Variants in NCOR2 observed in about 807,000 individuals in gnomAD.
The protein encoded by NCOR2 is nuclear receptor corepressor 2.
A neutral mutation model predicts 262.9 loss-of-function variants in NCOR2; 81 were observed. The observed-to-expected ratio is 0.31, with a 90% CI of 0.26 to 0.37. The LOEUF is 0.37. NCOR2 is among the 10% of genes least tolerant of loss of function. NCOR2 has a pLI of 1.00. For missense variants in NCOR2, 3,385 were observed against 3,621.4 expected (o/e 0.93, Z 1.68); for synonymous variants, 1,659 against 1,559.3 (o/e 1.06, Z -1.51).
intron 1 of NCOR2, among the ~76,000 whole-genome samples, chr12:124,545,087 T>C (rs1226119877): frequency 2.0e-5 from 3 of 151,982 alleles, no homozygotes; most frequent in South Asian, 2.1e-4. Flanking sequence ...AGTGCTCAGT[T>C]GAAGCTCACC....
Position 124,384,973 on chromosome 12 carries a change from C to G in NCOR2, c.2019+772G>C, listed in dbSNP as rs1314796839. The stretch of plus-strand genomic sequence containing the variant: ...TCAGTCGCACATGAGCCTGGCTAAG[C>G]CTCAGTTTCCCCAGCTCCAAAAAGG... On this transcript the variant is annotated intron_variant, in intron 17 of 46. Transcript: ENST00000405201. Among the ~76,000 whole-genome samples the G allele has an allele frequency of 2.0e-5, 3 of 152,176 alleles. No individual in the cohort carries two copies. In the East Asian group the frequency reaches 5.8e-4, roughly 29 times the overall value.
At chr12:124,470,040 C>A (rs113549972) in intron 4 of NCOR2, among the ~76,000 whole-genome samples, 3 of 151,956 alleles carry the variant, frequency 2.0e-5, no homozygotes, top group African/African-American at 7.3e-5. Flanking sequence ...GTGATGCACA[C>A]CTGTACTCCC....
At chr12:124,562,238 T>C (rs368678146) in intron 1 of NCOR2, 2 of 152,180 alleles carry the variant, frequency 1.3e-5, no homozygotes, top group Non-Finnish European at 2.9e-5. Flanking sequence ...ACTTTTCAAG[T>C]GCTCCCGAGT....
At position 124,365,991 on chromosome 12, in the gene NCOR2, G is replaced by A. The variant is rs186611468; in HGVS notation, c.2808-2192C>T. Among the ~76,000 whole-genome samples, 35 of 152,180 alleles carry A rather than the reference G, an allele frequency of 2.3e-4. 1 individual carries two copies. Among genetic ancestry groups the A allele is most frequent in the Admixed American group, 1.6e-3 (25 of 15,288 alleles). On this transcript the variant is annotated intron_variant, in intron 20 of 46. Transcript: ENST00000405201. ...TACCACCATCCGTTTCAACCAGCTC[G>A]CACTTGCAAGCTGAAATTTAAAAGA... is the stretch of plus-strand genomic sequence containing the variant.
At chr12:124,446,568 G>A (rs1192305889) in intron 7 of NCOR2, among the ~76,000 whole-genome samples, 1 of 152,032 alleles carries the variant, frequency 6.6e-6, no homozygotes, top group Non-Finnish European at 1.5e-5. Context: ...CTCCCCAGAG[G>A]TCCACACAGC....
chr12:124,475,809 G>A (rs1220335760), intron 3 of NCOR2, among the ~76,000 whole-genome samples: 1 of 152,322 alleles, frequency 6.6e-6, no homozygotes, highest in South Asian at 2.1e-4. Flanking sequence ...GGAGGCTGCA[G>A]GGGCTCCCAC....
chr12:124,496,093 C>T (rs947676072), upstream of NCOR2, among the ~76,000 whole-genome samples: 3 of 152,082 alleles, frequency 2.0e-5, no homozygotes, highest in African/African-American at 7.2e-5. This position sits in a 1 kb window ranked among gnomAD's most constrained non-coding sequence, Gnocchi z 4.4. Context: ...TACTCGTGGC[C>T]ACGCCAGAGG....
intron 7 of NCOR2, among the ~76,000 whole-genome samples, chr12:124,439,350 G>C (rs1313106292): frequency 7.5e-6 from 1 of 134,050 alleles, no homozygotes. Context: ...CCCAGAGAGA[G>C]AGGGAGACAG....
Position 124,485,586 on chromosome 12 carries a change from C to T in NCOR2, c.233+855G>A, listed in dbSNP as rs566337125. On this transcript the variant is annotated intron_variant, in intron 2 of 46. Coordinates refer to ENST00000405201, the Ensembl canonical transcript of NCOR2. Reference sequence around the variant, plus strand: ...ACGTTGCGACGGCAGGCCCAGGAAACCAATCCAGGTACAGAAGGCACGCTG... The same window carrying T: ...ACGTTGCGACGGCAGGCCCAGGAAATCAATCCAGGTACAGAAGGCACGCTG... Among the ~76,000 whole-genome samples the T allele has an allele frequency of 5.9e-5, 9 of 152,358 alleles. No homozygotes were observed. In the South Asian group the frequency reaches 1.9e-3, roughly 32 times the overall value.
chr12:124,562,967 C>G (rs1390136020), intron 1 of NCOR2, among the ~76,000 whole-genome samples: 1 of 152,176 alleles, frequency 6.6e-6, no homozygotes, highest in Non-Finnish European at 1.5e-5. Flanking sequence ...AGCAGCACCC[C>G]CATTTTAGAG....
At chr12:124,511,477 C>G (rs1422313426) in intron 1 of NCOR2, among the ~76,000 whole-genome samples, 1 of 152,250 alleles carries the variant, frequency 6.6e-6, no homozygotes, top group Non-Finnish European at 1.5e-5. Context: ...ATGAGTGCAA[C>G]CCGGGTTCTG....
chr12:124,473,223 G>C, intron 3 of NCOR2, 92 bp from the exon 6 acceptor site: 1 of 1,431,754 alleles, frequency 7.0e-7, no homozygotes, highest in South Asian at 1.2e-5. Flanking sequence ...CAACCTGATT[G>C]GATTGAAGGA....
intron 16 of NCOR2, among the ~76,000 whole-genome samples, chr12:124,397,632 T>C (rs1408143008): frequency 4.6e-5 from 7 of 151,284 alleles, no homozygotes; most frequent in Non-Finnish European, 8.8e-5. Flanking sequence ...CTGAGACAGG[T>C]TTCCAAAGCC....
At chr12:124,524,180 C>A (rs1034033248) in intron 1 of NCOR2, among the ~76,000 whole-genome samples, 2 of 152,176 alleles carry the variant, frequency 1.3e-5, no homozygotes, top group African/African-American at 4.8e-5. Context: ...CTTGTTCTGG[C>A]CCATTCAATG....
chr12:124,365,282 T>C (rs2038939387), intron 20 of NCOR2, among the ~76,000 whole-genome samples: 1 of 152,206 alleles, frequency 6.6e-6, no homozygotes, highest in Non-Finnish European at 1.5e-5. Flanking sequence ...CTCTGTGCTG[T>C]GACCACAGTG....
At chr12:124,416,931 G>C (rs994913935) in intron 13 of NCOR2, among the ~76,000 whole-genome samples, 1 of 152,224 alleles carries the variant, frequency 6.6e-6, no homozygotes, top group Non-Finnish European at 1.5e-5. Flanking sequence ...CAATGGCTCT[G>C]AACAACCAGC....
At chr12:124,359,082 G>A (rs962925426) in intron 22 of NCOR2, among the ~76,000 whole-genome samples, 28 of 152,346 alleles carry the variant, frequency 1.8e-4, no homozygotes, top group African/African-American at 5.3e-4. Flanking sequence ...GGGAGATCCT[G>A]TAAACTCAGC....
At chr12:124,353,717 AC>A (rs1350558373) in intron 27 of NCOR2, among the ~76,000 whole-genome samples, 1 of 152,258 alleles carries the variant, frequency 6.6e-6, no homozygotes, top group East Asian at 1.9e-4. Flanking sequence ...CATGGCTTGC[AC>A]CCTCAATTTC....
chr12:124,447,168 G>A (rs959942483), intron 7 of NCOR2, among the ~76,000 whole-genome samples: 139 of 152,362 alleles, frequency 9.1e-4, no homozygotes, highest in African/African-American at 3.1e-3. Flanking sequence ...GCCCGCCTCG[G>A]CCTTCCAAAG....
Sources: allele counts gnomAD v4.1 joint callset (sites outside exome capture counted in the v4.1 genomes callset), GRCh38; gene constraint gnomAD v4.1.1; non-coding constraint Gnocchi (gnomAD v3.1); transcripts MANE v1.5; gene names NCBI Gene and HGNC (gene_info 2026-07-23, HGNC 2026-07-21).